The following DKK2 variants were observed in gnomAD, a reference collection of about 807,000 sequenced individuals.
The protein encoded by DKK2 is dickkopf Wnt signaling pathway inhibitor 2.
Under a neutral mutation model 28.1 loss-of-function variants are expected in DKK2, and 11 were observed. The observed-to-expected ratio is 0.39, with a 90% confidence interval of 0.25 to 0.65. The LOEUF (loss-of-function observed/expected upper bound fraction) is 0.65, where lower values mean the gene tolerates loss of function less well. Ranked by LOEUF, DKK2 falls within the 30% of genes least tolerant of loss-of-function variation. DKK2 has a pLI of 0.47. For missense variants in DKK2, 326 were observed against 335.5 expected (o/e 0.97, Z 0.22); for synonymous variants, 135 against 126.5 (o/e 1.07, Z -0.45).
chr4:107,024,509 T>C (rs1578382494), intron 1 of DKK2, among the ~76,000 whole-genome samples: 1 of 152,182 alleles, frequency 6.6e-6, no homozygotes, highest in Non-Finnish European at 1.5e-5. Context: ...CCGATATTTT[T>C]AAAAAGTAAT....
intron 1 of DKK2, among the ~76,000 whole-genome samples, chr4:106,955,486 C>T (rs924124890): frequency 6.6e-6 from 1 of 152,170 alleles, no homozygotes; most frequent in Non-Finnish European, 1.5e-5. Flanking sequence ...TGCTTTCCCC[C>T]TATGGAATTA....
chr4:107,000,185 A>G (rs1723339201), intron 1 of DKK2, among the ~76,000 whole-genome samples: 2 of 152,188 alleles, frequency 1.3e-5, no homozygotes, highest in African/African-American at 4.8e-5. Flanking sequence ...CATTTTTTAA[A>G]AAAGTCTTAG....
At chr4:107,013,950 G>T (rs1288086372) in intron 1 of DKK2, among the ~76,000 whole-genome samples, 1 of 151,370 alleles carries the variant, frequency 6.6e-6, no homozygotes, top group African/African-American at 2.4e-5. Flanking sequence ...AATCATCAGA[G>T]AAATGCAGAG....
intron 1 of DKK2, among the ~76,000 whole-genome samples, chr4:106,933,390 T>C (rs1050957823): frequency 6.6e-6 from 1 of 152,196 alleles, no homozygotes; most frequent in South Asian, 2.1e-4. Flanking sequence ...AAGGTTCATC[T>C]TCACTCCTAG....
rs1008642575 is a variant in DKK2, at chr4:107,023,331, G to A, written c.222+12039C>T. Among the ~76,000 whole-genome samples the A allele has an allele frequency of 1.2e-4, 18 of 152,070 alleles. 1 individual carries two copies. Among genetic ancestry groups the A allele is most frequent in the Admixed American group, 5.9e-4 (9 of 15,268 alleles). ...AGCTTATAAAAATAAAACAATCACT[G>A]TGAAAAGACATGGAAGAATCTTAAA... On this transcript the variant is annotated intron_variant, in intron 1 of 3. Coordinates refer to ENST00000285311, the MANE Select transcript of DKK2 (RefSeq NM_014421.3).
chr4:106,981,397 C>T (rs1166489749), intron 1 of DKK2, among the ~76,000 whole-genome samples: 2 of 152,082 alleles, frequency 1.3e-5, no homozygotes, highest in African/African-American at 4.8e-5. Context: ...AAAACATTTT[C>T]CCCTCTTATT....
intron 1 of DKK2, among the ~76,000 whole-genome samples, chr4:106,940,205 A>C (rs1231430450): frequency 6.6e-6 from 1 of 152,190 alleles, no homozygotes; most frequent in Non-Finnish European, 1.5e-5. Context: ...TTCGCAACCT[A>C]CTCATCTGAC....
intron 1 of DKK2, among the ~76,000 whole-genome samples, chr4:106,979,832 G>A (rs1723000027): frequency 6.6e-6 from 1 of 152,184 alleles, no homozygotes; most frequent in South Asian, 2.1e-4. Context: ...ATACATCACA[G>A]TATCCAGGTG....
chr4:107,001,930 T>C (rs2110365424), intron 1 of DKK2, among the ~76,000 whole-genome samples: 1 of 152,326 alleles, frequency 6.6e-6, no homozygotes, highest in East Asian at 1.9e-4. Context: ...GTCTTATCAT[T>C]ACATTACTTT....
intron 1 of DKK2, among the ~76,000 whole-genome samples, chr4:106,939,898 C>T (rs887634479): frequency 2.8e-4 from 42 of 152,294 alleles, no homozygotes; most frequent in Non-Finnish European, 5.7e-4. Context: ...GGAAAACTGG[C>T]TAGCCATATG....
intron 1 of DKK2, among the ~76,000 whole-genome samples, chr4:107,001,589 T>C (rs1487917374): frequency 1.3e-5 from 2 of 152,158 alleles, no homozygotes; most frequent in Non-Finnish European, 2.9e-5. Context: ...GCCCCAAACC[T>C]GGAAGATGCT....
At chr4:106,991,793 C>T (rs1407184783) in intron 1 of DKK2, among the ~76,000 whole-genome samples, 1 of 152,108 alleles carries the variant, frequency 6.6e-6, no homozygotes, top group Non-Finnish European at 1.5e-5. Flanking sequence ...TTTTCCAAAC[C>T]TCATCCATCA....
At position 107,014,832 on chromosome 4, in the gene DKK2, A is replaced by AAC. The variant is rs55726585; in HGVS notation, c.222+20536_222+20537dup. On this transcript the variant is annotated intron_variant, in intron 1 of 3. Transcript: ENST00000285311. ...AATAGGTTCTACACACACACACACA[A>AAC]ACACACACACACACAGTCTTCTATC... 1.3e-4 allele frequency among the ~76,000 whole-genome samples: 19 copies of AAC among 147,236 alleles called. No individual in the cohort carries two copies. In the East Asian group the frequency reaches 2.5e-3, roughly 20 times the overall value.
At chr4:107,003,061 GA>G (rs1723385664) in intron 1 of DKK2, among the ~76,000 whole-genome samples, 1 of 152,174 alleles carries the variant, frequency 6.6e-6, no homozygotes. Flanking sequence ...AAGTCTACTG[GA>G]ACCTTGTTCC....
intron 1 of DKK2, among the ~76,000 whole-genome samples, chr4:106,980,293 A>G (rs1723009721): frequency 1.3e-5 from 2 of 152,062 alleles, no homozygotes; most frequent in African/African-American, 4.8e-5. Flanking sequence ...ATTTATATCT[A>G]TAGATATCTA....
At chr4:106,996,852 G>A (rs965348338) in intron 1 of DKK2, among the ~76,000 whole-genome samples, 3 of 151,994 alleles carry the variant, frequency 2.0e-5, no homozygotes, top group Non-Finnish European at 4.4e-5. Context: ...TACTTACTAT[G>A]TTAAAAATAA....
chr4:106,981,103 A>C (rs17584787), intron 1 of DKK2, among the ~76,000 whole-genome samples: 25,734 of 152,086 alleles, frequency 0.17, 2,614 homozygotes, highest in East Asian at 0.42. Context: ...AGCCTGTTTA[A>C]AGTGTTGATT....
chr4:107,004,837 A>G (rs1255293867), intron 1 of DKK2, among the ~76,000 whole-genome samples: 2 of 152,166 alleles, frequency 1.3e-5, no homozygotes, highest in Non-Finnish European at 2.9e-5. Flanking sequence ...AGATGTTGCT[A>G]AGGGAGGAAG....
At chr4:107,004,238 CTG>C (rs752603489) in intron 1 of DKK2, among the ~76,000 whole-genome samples, 1 of 152,176 alleles carries the variant, frequency 6.6e-6, no homozygotes, top group Non-Finnish European at 1.5e-5. Flanking sequence ...CTCACTTGAC[CTG>C]TGATTCAAGT....
Sources: allele counts gnomAD v4.1 joint callset (sites outside exome capture counted in the v4.1 genomes callset), GRCh38; gene constraint gnomAD v4.1.1; transcripts MANE v1.5; gene names NCBI Gene and HGNC (gene_info 2026-07-23, HGNC 2026-07-21).